RPS6KA2: variants seen among roughly 807,000 people sequenced by gnomAD.
RPS6KA2 encodes the protein ribosomal protein S6 kinase A2, also known as ribosomal protein S6 kinase alpha-2.
A neutral mutation model predicts 91.8 loss-of-function variants in RPS6KA2; 42 were observed. That is an observed-to-expected ratio of 0.46 (90% CI 0.36 to 0.59). The LOEUF is 0.59. RPS6KA2 is among the 20% of genes least tolerant of loss of function. The pLI, the probability that RPS6KA2 is intolerant of heterozygous loss-of-function variation, is 0.00. For missense variants in RPS6KA2, 798 were observed against 978.5 expected, an observed-to-expected ratio of 0.82 and a Z score of 2.46; for synonymous variants, 414 against 393.6, an observed-to-expected ratio of 1.05 and a Z score of -0.61.
rs368457353 is a variant in RPS6KA2 at position 166,476,325 on chromosome 6, T to C, written c.908-6420A>G. On this transcript the variant is annotated intron_variant, in intron 10 of 20. Coordinates refer to ENST00000265678, the MANE Select transcript of RPS6KA2 (RefSeq NM_021135.6). ...CCTCCAGAGCTGCGGGAGGACACATTTCTGCTGTTCAAGCTGCCCAGTTTG... is the reference window on the plus strand; with the variant it reads ...CCTCCAGAGCTGCGGGAGGACACATCTCTGCTGTTCAAGCTGCCCAGTTTG... Among the ~76,000 whole-genome samples the C allele has an allele frequency of 1.6e-4, 25 of 152,198 alleles. 1 individual carries two copies. Among genetic ancestry groups the C allele is most frequent in the African/African-American group, 5.8e-4 (24 of 41,528 alleles).
intron 2 of RPS6KA2, among the ~76,000 whole-genome samples, chr6:166,814,933 T>C (rs1779726971): frequency 6.6e-6 from 1 of 152,170 alleles, no homozygotes; most frequent in African/African-American, 2.4e-5. Flanking sequence ...ATAAATGTAA[T>C]GCACTTGAAT....
In RPS6KA2 at chr6:166,418,260, C is replaced by T. The variant is rs1325191035; in HGVS notation, c.1903G>A (p.Gly635Arg). ...RIGSGKYALS[G>R]GNWDSISDAA... ...TCAGATATCGAGTCCCAGTTTCCCC[C>T]AGAAAGGGCATACTTCCCACTGCCG... Residue 635 changes from glycine (G) to arginine (R), a missense_variant, in exon 19 of 21, where the codon GGG becomes AGG. By Grantham distance (125) the Gly-to-Arg change is moderately radical. Transcript: ENST00000265678. This position sits in a 1 kb window ranked among gnomAD's most constrained non-coding sequence, Gnocchi z 4.9. 2.5e-6 allele frequency: 4 copies of T among 1,613,778 alleles called. No homozygotes were observed. Among genetic ancestry groups the T allele is most frequent in the Admixed American group, 1.7e-5 (1 of 59,960 alleles).
At chr6:166,774,456 G>T (rs570246225) in intron 2 of RPS6KA2, among the ~76,000 whole-genome samples, 1 of 152,314 alleles carries the variant, frequency 6.6e-6, no homozygotes, top group East Asian at 1.9e-4. Context: ...CCCGGCGTTG[G>T]TTATTCTGGG....
chr6:166,445,710 G>A lies in RPS6KA2; in HGVS notation c.1332+3014C>T, dbSNP rs1662826470. On this transcript the variant is annotated intron_variant, in intron 14 of 20. Coordinates refer to ENST00000265678, the MANE Select transcript of RPS6KA2 (RefSeq NM_021135.6). This position sits in a 1 kb window ranked among gnomAD's most constrained non-coding sequence, Gnocchi z 4.5. ...GTGGGGACATTTCTGGGTCATCCCTGCCATTGAATGGGAGGATGCCCTGTC... is the reference window on the plus strand; with the variant it reads ...GTGGGGACATTTCTGGGTCATCCCTACCATTGAATGGGAGGATGCCCTGTC... 6.6e-6 allele frequency among the ~76,000 whole-genome samples: 1 copy of A among 152,206 alleles called. No individual in the cohort carries two copies. Among genetic ancestry groups the A allele is most frequent in the South Asian group, 2.1e-4 (1 of 4,826 alleles).
intron 13 of RPS6KA2, among the ~76,000 whole-genome samples, chr6:166,449,900 A>G (rs1779814312): frequency 6.8e-6 from 1 of 147,214 alleles, no homozygotes; most frequent in Non-Finnish European, 1.5e-5. Context: ...AACCACGAGG[A>G]CCACCATGGG....
intron 2 of RPS6KA2, among the ~76,000 whole-genome samples, chr6:166,730,297 C>T (rs1411688807): frequency 8.6e-6 from 1 of 115,716 alleles, no homozygotes; most frequent in African/African-American, 5.9e-5. Context: ...ATGGGAACTT[C>T]TTTAGTTTGG....
Position 166,500,873 on chromosome 6 carries a change from C to G in RPS6KA2, c.604+14G>C, listed in dbSNP as rs201856165. On this transcript the variant is annotated intron_variant, in intron 7 of 20. Coordinates refer to ENST00000265678, the MANE Select transcript of RPS6KA2 (RefSeq NM_021135.6). This position sits in a 1 kb window ranked among gnomAD's most constrained non-coding sequence, Gnocchi z 4.3. ...AGATGAAGCCATGGAGGGGGCCTGCCGTCTTTTACAAACCTGTGATCTTAA... is the reference window on the plus strand; with the variant it reads ...AGATGAAGCCATGGAGGGGGCCTGCGGTCTTTTACAAACCTGTGATCTTAA... The G allele has an allele frequency of 1.2e-6, 2 of 1,613,168 alleles. No individual in the cohort carries two copies. Among genetic ancestry groups the G allele is most frequent in the East Asian group, 2.2e-5 (1 of 44,888 alleles).
chr6:166,649,277 A>G (rs1386489759), intron 2 of RPS6KA2, among the ~76,000 whole-genome samples: 1 of 152,112 alleles, frequency 6.6e-6, no homozygotes, highest in Non-Finnish European at 1.5e-5. Flanking sequence ...TCATCTATCC[A>G]TCTTTTAAGT....
intron 2 of RPS6KA2, among the ~76,000 whole-genome samples, chr6:166,850,183 G>A (rs1021433496): frequency 2.0e-5 from 3 of 148,496 alleles, no homozygotes; most frequent in Non-Finnish European, 4.5e-5. Context: ...TCAGCTGCAT[G>A]TACATTACAA....
At chr6:166,656,256 G>C (rs1417216844) in intron 2 of RPS6KA2, among the ~76,000 whole-genome samples, 2 of 120,620 alleles carry the variant, frequency 1.7e-5, no homozygotes, top group African/African-American at 5.3e-5. Context: ...GGCGTTAGCG[G>C]TCTCTGAGAG....
chr6:166,651,646 C>G (rs532626922), intron 2 of RPS6KA2, among the ~76,000 whole-genome samples: 17 of 152,334 alleles, frequency 1.1e-4, no homozygotes, highest in African/African-American at 3.4e-4. Context: ...ATTAAATGTG[C>G]CACATGCCAC....
intron 2 of RPS6KA2, among the ~76,000 whole-genome samples, chr6:166,647,836 T>C (rs1196034687): frequency 1.2e-5 from 1 of 84,790 alleles, no homozygotes; most frequent in Non-Finnish European, 2.6e-5. Flanking sequence ...ATGCACATGC[T>C]CACACACGCA....
chr6:166,432,549 T>A, intron 14 of RPS6KA2, 59 bp from the exon 15 acceptor site: 2 of 1,054,062 alleles, frequency 1.9e-6, no homozygotes, highest in Non-Finnish European at 2.9e-6. Context: ...GGGTGGTATC[T>A]GCTGGTGGAC....
chr6:166,488,247 T>G (rs1032361390), intron 10 of RPS6KA2, among the ~76,000 whole-genome samples: 1 of 150,836 alleles, frequency 6.6e-6, no homozygotes, highest in African/African-American at 2.5e-5. Flanking sequence ...GAAAACACCC[T>G]GCTCCAGTTG....
rs2128559419 is a variant in RPS6KA2, at chr6:166,666,443, T to G, written c.124-127659A>C. 6.6e-6 allele frequency among the ~76,000 whole-genome samples: 1 copy of G among 152,316 alleles called. No homozygotes were observed. Among genetic ancestry groups the G allele is most frequent in the East Asian group, 1.9e-4 (1 of 5,190 alleles). ...GCTGTTATGTGTTGTTTATAAAATA[T>G]AAGGATAATTTCACCAAAGAAGATA... On this transcript the variant is annotated intron_variant, in intron 2 of 21. Transcript: ENST00000503859. The surrounding 1 kb of genome is among the most constrained non-coding windows in gnomAD (Gnocchi z 4.0).
chr6:166,552,162 T>C (rs1028814896), intron 1 of RPS6KA2, among the ~76,000 whole-genome samples: 1 of 152,186 alleles, frequency 6.6e-6, no homozygotes, highest in Non-Finnish European at 1.5e-5. Context: ...GGGCTGTGCA[T>C]GGATTAAATA....
Position 166,859,663 on chromosome 6 carries a change from T to C in RPS6KA2, c.64-1404A>G, listed in dbSNP as rs915712584. Among the ~76,000 whole-genome samples, 3 of 145,028 alleles carry C rather than the reference T, an allele frequency of 2.1e-5. 1 individual carries two copies. Among genetic ancestry groups the C allele is most frequent in the African/African-American group, 8.7e-5 (3 of 34,552 alleles). On this transcript the variant is annotated intron_variant, in intron 1 of 21. Coordinates refer to the RPS6KA2 transcript ENST00000503859. ...TGAATCTCCCCTGGTCTACAATTTT[T>C]ATAAACTGTATTTAGTGTTCTCTAG...
At chr6:166,479,711 T>C (rs1047810256) in intron 10 of RPS6KA2, among the ~76,000 whole-genome samples, 5 of 152,234 alleles carry the variant, frequency 3.3e-5, no homozygotes, top group African/African-American at 9.6e-5. Context: ...AAAGTCCATA[T>C]TGGCATGAAT....
At chr6:166,790,559 T>G (rs1343889893) in intron 2 of RPS6KA2, among the ~76,000 whole-genome samples, 8 of 151,954 alleles carry the variant, frequency 5.3e-5, no homozygotes, top group Non-Finnish European at 8.8e-5. Context: ...GACACATAAT[T>G]GTCAGATTCA....
Sources: allele counts gnomAD v4.1 joint callset (sites outside exome capture counted in the v4.1 genomes callset), GRCh38; gene constraint gnomAD v4.1.1; non-coding constraint Gnocchi (gnomAD v3.1); transcripts MANE v1.5; gene names NCBI Gene and HGNC (gene_info 2026-07-23, HGNC 2026-07-21).